The following LRMDA variants were observed in gnomAD, a reference collection of about 807,000 sequenced individuals.
The protein encoded by LRMDA is leucine rich melanocyte differentiation associated, also known as leucine-rich melanocyte differentiation-associated protein.
A neutral mutation model predicts 29.8 loss-of-function variants in LRMDA; 18 were observed. The ratio of observed to expected loss-of-function variants is 0.60; its 90% CI spans 0.42 to 0.90. The LOEUF is 0.90. LRMDA is among the 40% of genes least tolerant of loss of function. The pLI is 0.00. For synonymous variants in LRMDA, 125 were observed against 109.4 expected (o/e 1.14, Z -0.89); for missense variants, 273 against 273.9 (o/e 1.00, Z 0.02).
intron 2 of LRMDA, among the ~76,000 whole-genome samples, chr10:75,774,814 C>T (rs978077290): frequency 8.5e-5 from 13 of 152,138 alleles, no homozygotes; most frequent in Admixed American, 7.2e-4. Context: ...TTCCCAGATC[C>T]TTGAGGGCAG....
At chr10:76,016,922 C>G (rs11001583) in intron 2 of LRMDA, among the ~76,000 whole-genome samples, 49,542 of 152,110 alleles carry the variant, frequency 0.33, 9,453 homozygotes, top group Non-Finnish European at 0.43. Context: ...GGATGAGAAC[C>G]TTGGCATTTC....
intron 5 of LRMDA, among the ~76,000 whole-genome samples, chr10:76,225,807 A>T (rs948686187): frequency 1.3e-5 from 2 of 151,414 alleles, no homozygotes; most frequent in African/African-American, 4.9e-5. Context: ...TACATGTGCC[A>T]TGTTGGTGTG....
At chr10:76,050,937 G>A (rs1282679118) in intron 4 of LRMDA, among the ~76,000 whole-genome samples, 6 of 152,080 alleles carry the variant, frequency 3.9e-5, no homozygotes, top group South Asian at 2.1e-4. Flanking sequence ...ACCCTCTGTC[G>A]TTCATCCCCT....
chr10:76,542,857 C>T (rs1491002092), intron 6 of LRMDA, among the ~76,000 whole-genome samples: 1 of 152,142 alleles, frequency 6.6e-6, no homozygotes, highest in Non-Finnish European at 1.5e-5. Flanking sequence ...CACTTCAGCT[C>T]ACTGTTGATT....
chr10:75,970,733 A>T (rs1331326605), intron 2 of LRMDA, among the ~76,000 whole-genome samples: 5 of 152,188 alleles, frequency 3.3e-5, no homozygotes, highest in Admixed American at 6.5e-5. Context: ...TTGGAAGAGG[A>T]TGGGCACAGA....
At chr10:75,841,564 T>G (rs959422291) in intron 2 of LRMDA, among the ~76,000 whole-genome samples, 4 of 152,204 alleles carry the variant, frequency 2.6e-5, no homozygotes, top group African/African-American at 4.8e-5. Flanking sequence ...TCTTCCCACT[T>G]GATACTAGTT....
At chr10:76,077,398 A>G (rs1848977311) in intron 5 of LRMDA, among the ~76,000 whole-genome samples, 1 of 152,198 alleles carries the variant, frequency 6.6e-6, no homozygotes, top group Non-Finnish European at 1.5e-5. Context: ...CAATGAATTC[A>G]GCCTTTCTGC....
chr10:75,485,257 A>G (rs1844897392), intron 2 of LRMDA, among the ~76,000 whole-genome samples: 1 of 152,190 alleles, frequency 6.6e-6, no homozygotes, highest in South Asian at 2.1e-4. Flanking sequence ...CATCTTTTTG[A>G]TGTCTTTTAA....
intron 2 of LRMDA, among the ~76,000 whole-genome samples, chr10:75,711,969 A>G (rs1033188421): frequency 6.6e-6 from 1 of 152,062 alleles, no homozygotes; most frequent in African/African-American, 2.4e-5. Flanking sequence ...GTATACATAT[A>G]TATATAACTT....
At chr10:75,833,092 C>T (rs980963803) in intron 2 of LRMDA, among the ~76,000 whole-genome samples, 30 of 152,134 alleles carry the variant, frequency 2.0e-4, no homozygotes, top group Non-Finnish European at 2.5e-4. Context: ...ATTGAAATGT[C>T]AAGAAAATCT....
At chr10:76,339,403 G>C (rs530384175) in intron 6 of LRMDA, among the ~76,000 whole-genome samples, 1 of 151,976 alleles carries the variant, frequency 6.6e-6, no homozygotes, top group South Asian at 2.1e-4. Flanking sequence ...TGATAACACT[G>C]TAGTATATTA....
chr10:76,437,205 C>T (rs1842254150), intron 6 of LRMDA, among the ~76,000 whole-genome samples: 1 of 152,198 alleles, frequency 6.6e-6, no homozygotes, highest in South Asian at 2.1e-4. Flanking sequence ...GATCCAGGCT[C>T]AGCTGGTCTC....
At chr10:76,107,755 T>G (rs1849510787) in intron 5 of LRMDA, among the ~76,000 whole-genome samples, 2 of 152,226 alleles carry the variant, frequency 1.3e-5, no homozygotes, top group South Asian at 4.1e-4. Context: ...TCTTTTTATT[T>G]TATTTTACTT....
At chr10:76,095,900 G>A (rs970083159) in intron 5 of LRMDA, among the ~76,000 whole-genome samples, 4 of 151,094 alleles carry the variant, frequency 2.6e-5, no homozygotes, top group African/African-American at 7.3e-5. Context: ...AGCCGAGATC[G>A]TGCCACTGCA....
At chr10:76,456,411 C>T (rs1342574586) in intron 6 of LRMDA, among the ~76,000 whole-genome samples, 1 of 152,124 alleles carries the variant, frequency 6.6e-6, no homozygotes, top group African/African-American at 2.4e-5. Context: ...TCCCTGGTGA[C>T]TACAAAAGCA....
At chr10:76,002,257 A>G (rs1056408430) in intron 2 of LRMDA, among the ~76,000 whole-genome samples, 1 of 152,104 alleles carries the variant, frequency 6.6e-6, no homozygotes, top group Non-Finnish European at 1.5e-5. Flanking sequence ...TCTAACCCCA[A>G]TTCTCTCCAA....
At chr10:76,457,973 CCTCATATGCT>C (rs1414811217) in intron 6 of LRMDA, among the ~76,000 whole-genome samples, 2 of 152,054 alleles carry the variant, frequency 1.3e-5, no homozygotes, top group Non-Finnish European at 1.5e-5. Flanking sequence ...GATGTGCGTG[CCTCATATGCT>C]CTATGGACAT....
At chr10:75,981,899 T>C (rs1847178615) in intron 2 of LRMDA, among the ~76,000 whole-genome samples, 1 of 147,894 alleles carries the variant, frequency 6.8e-6, no homozygotes, top group Non-Finnish European at 1.5e-5. Context: ...AACAAAAAGA[T>C]AAATATTGGC....
At chr10:76,543,975 G>A (rs1343847625) in intron 6 of LRMDA, among the ~76,000 whole-genome samples, 1 of 152,158 alleles carries the variant, frequency 6.6e-6, no homozygotes, top group Admixed American at 6.5e-5. Context: ...AATTCTCTGT[G>A]TGATGCTAAG....
Sources: gnomAD v4.1 joint callset for allele counts (sites outside exome capture counted in the v4.1 genomes callset) on GRCh38, gnomAD v4.1.1 for gene constraint, MANE v1.5 for transcripts, NCBI Gene and HGNC (gene_info 2026-07-23, HGNC 2026-07-21) for gene names.